The following SLC23A2 variants were observed in gnomAD, a reference collection of about 807,000 sequenced individuals.
The protein encoded by SLC23A2 is solute carrier family 23 member 2.
In SLC23A2, 36 loss-of-function variants were observed where a neutral mutation model predicts 73.3. The ratio of observed to expected loss-of-function variants is 0.49; its 90% confidence interval spans 0.38 to 0.65. The LOEUF is 0.65. Among genes scored for constraint, SLC23A2 ranks in the 30% least tolerant of loss-of-function variants. The probability of loss-of-function intolerance (pLI) is 0.00; values close to 1 mark genes in which losing one functional copy is unlikely to be tolerated. For missense variants in SLC23A2, 507 were observed against 841.6 expected (o/e 0.60, Z 4.92); for synonymous variants, 343 against 327.3 (o/e 1.05, Z -0.52).
chr20:5,000,849 G>A (rs1024139459), intron 1 of SLC23A2, among the ~76,000 whole-genome samples: 3 of 152,204 alleles, frequency 2.0e-5, no homozygotes, highest in African/African-American at 7.2e-5. Context: ...CGGGGTCGGA[G>A]GAGCTGCTTC....
intron 2 of SLC23A2, among the ~76,000 whole-genome samples, chr20:4,952,954 C>G (rs538046613): frequency 2.0e-5 from 3 of 150,438 alleles, no homozygotes; most frequent in Admixed American, 6.6e-5. Context: ...ACCCGGGAGG[C>G]GAAGGTTGCA....
chr20:4,959,038 C>T (rs1407998898), intron 2 of SLC23A2, among the ~76,000 whole-genome samples: 1 of 150,400 alleles, frequency 6.6e-6, no homozygotes, highest in Admixed American at 6.6e-5. Context: ...CAGAGAAACC[C>T]GTCTCTACTA....
chr20:5,008,239 G>A (rs2088211897), intron 1 of SLC23A2, among the ~76,000 whole-genome samples: 1 of 152,064 alleles, frequency 6.6e-6, no homozygotes, highest in South Asian at 2.1e-4. Context: ...ACTTTTAAGT[G>A]TACCACTCAG....
At chr20:5,001,534 C>G (rs946923887), upstream of SLC23A2, 1 of 150,218 alleles carries the variant, frequency 6.7e-6, no homozygotes, top group Admixed American at 6.6e-5. Context: ...GGGCCGGGGG[C>G]GGGGTGCAGC....
At chr20:4,951,705 G>A (rs2087205099) in intron 2 of SLC23A2, among the ~76,000 whole-genome samples, 1 of 152,162 alleles carries the variant, frequency 6.6e-6, no homozygotes, top group African/African-American at 2.4e-5. Flanking sequence ...TGTGGTGATG[G>A]CTGTACAGCT....
At chr20:4,876,805 T>C (rs1429526609) in intron 9 of SLC23A2, among the ~76,000 whole-genome samples, 1 of 152,252 alleles carries the variant, frequency 6.6e-6, no homozygotes, top group African/African-American at 2.4e-5. Context: ...TGAACAGTTT[T>C]CACTCCCTGG....
At chr20:4,959,800 T>C (rs984379921) in intron 2 of SLC23A2, among the ~76,000 whole-genome samples, 12 of 152,194 alleles carry the variant, frequency 7.9e-5, no homozygotes, top group Non-Finnish European at 1.6e-4. Context: ...TTTTTATTTT[T>C]AGACACAGGG....
chr20:4,904,462 A>C (rs564336309), intron 4 of SLC23A2, among the ~76,000 whole-genome samples: 2 of 74,486 alleles, frequency 2.7e-5, no homozygotes, highest in East Asian at 6.5e-4. Context: ...AGAAAAAAAC[A>C]AACAAAAAAA....
chr20:4,909,183 G>A (rs1932058909), intron 4 of SLC23A2, among the ~76,000 whole-genome samples: 2 of 152,148 alleles, frequency 1.3e-5, no homozygotes, highest in East Asian at 1.9e-4. Flanking sequence ...GAACCCAAAT[G>A]TTTTGGATTT....
intron 2 of SLC23A2, among the ~76,000 whole-genome samples, chr20:4,943,157 G>A (rs2087069222): frequency 6.6e-6 from 1 of 151,222 alleles, no homozygotes; most frequent in Non-Finnish European, 1.5e-5. Flanking sequence ...GCGGTGTGGA[G>A]AAGATAGATG....
intron 11 of SLC23A2, among the ~76,000 whole-genome samples, chr20:4,871,749 C>G (rs1278527745): frequency 6.6e-6 from 1 of 152,130 alleles, no homozygotes; most frequent in Non-Finnish European, 1.5e-5. Context: ...CCCTATGCCA[C>G]CAGCAAGAGG....
chr20:4,902,448 C>T lies in SLC23A2; in HGVS notation c.318G>A (p.Gly106=), dbSNP rs774857905. 1.3e-6 allele frequency: 2 copies of T among 1,562,896 alleles called. No individual in the cohort carries two copies. Among genetic ancestry groups the T allele is most frequent in the Admixed American group, 1.7e-5 (1 of 58,826 alleles). Residue 106 remains glycine (G), a synonymous_variant, in exon 5 of 17, where the codon GGG becomes GGA. Transcript: ENST00000338244. The surrounding 1 kb of genome is among the most constrained non-coding windows in gnomAD (Gnocchi z 4.0). The part of the protein sequence containing the change: ...VPPWYLCIFL[G]LQHYLTCFSG... ...CCTACAGGAACCATCTTACCTGTAG[C>T]CCCAGAAATATACACAGGTACCAGG...
chr20:4,858,811 G>C lies in SLC23A2; in HGVS notation c.1720+478C>G, dbSNP rs545193729. Reference sequence around the variant, plus strand: ...CTCTTGTCAATGATCCTGGACCCCTGATCTCAGCCTTTGCCCATGGTCTTC... The same window carrying C: ...CTCTTGTCAATGATCCTGGACCCCTCATCTCAGCCTTTGCCCATGGTCTTC... On this transcript the variant is annotated intron_variant, in intron 16 of 16. Transcript: ENST00000338244. 3.6e-4 allele frequency among the ~76,000 whole-genome samples: 55 copies of C among 152,266 alleles called. 1 individual carries two copies. In the South Asian group the frequency reaches 0.011, roughly 32 times the overall value.
chr20:4,963,117 G>C (rs1209789176), intron 2 of SLC23A2, among the ~76,000 whole-genome samples: 1 of 152,148 alleles, frequency 6.6e-6, no homozygotes, highest in Non-Finnish European at 1.5e-5. Context: ...GCAACACCTG[G>C]AGAATGTAAA....
chr20:4,989,345 G>C (rs771017100), intron 1 of SLC23A2, among the ~76,000 whole-genome samples: 8 of 151,958 alleles, frequency 5.3e-5, no homozygotes, highest in Non-Finnish European at 1.2e-4. Context: ...AAAATGCTTG[G>C]GACCAGAAGT....
chr20:4,931,957 T>C (rs998329146), intron 3 of SLC23A2, among the ~76,000 whole-genome samples: 2 of 152,194 alleles, frequency 1.3e-5, no homozygotes, highest in South Asian at 4.1e-4. Flanking sequence ...GAAAAAAATG[T>C]TCTTACTGAA....
At chr20:5,009,694 C>A (rs535629929) in intron 1 of SLC23A2, among the ~76,000 whole-genome samples, 3 of 152,060 alleles carry the variant, frequency 2.0e-5, no homozygotes, top group East Asian at 1.9e-4. Flanking sequence ...AGGTGAAATG[C>A]GAAGGGAAAG....
At chr20:4,943,856 C>T (rs1370995663) in intron 2 of SLC23A2, among the ~76,000 whole-genome samples, 2 of 152,248 alleles carry the variant, frequency 1.3e-5, no homozygotes, top group East Asian at 3.9e-4. Context: ...AACCAGAGAG[C>T]GTCTGCTGAC....
intron 2 of SLC23A2, among the ~76,000 whole-genome samples, chr20:4,968,382 A>C (rs2087508360): frequency 6.6e-6 from 1 of 152,166 alleles, no homozygotes; most frequent in Non-Finnish European, 1.5e-5. Context: ...CAAAGGAAGA[A>C]AACCCTTTGT....
Sources: allele counts gnomAD v4.1 joint callset (sites outside exome capture counted in the v4.1 genomes callset), GRCh38; gene constraint gnomAD v4.1.1; non-coding constraint Gnocchi (gnomAD v3.1); transcripts MANE v1.5; gene names NCBI Gene and HGNC (gene_info 2026-07-23, HGNC 2026-07-21).